The following TK2 variants were observed in gnomAD, a reference collection of about 807,000 sequenced individuals.
TK2 encodes thymidine kinase 2.
TK2 carries 35 observed loss-of-function variants against 41.9 expected under a neutral mutation model. The observed-to-expected ratio is 0.84, with a 90% CI of 0.64 to 1.11. The LOEUF is 1.11. Among genes scored for constraint, TK2 ranks in the 50% least tolerant of loss-of-function variants. The pLI is 0.00. For synonymous variants in TK2, 128 were observed against 129.1 expected (o/e 0.99, Z 0.06); for missense variants, 320 against 351.1 (o/e 0.91, Z 0.71).
chr16:66,517,145 G>C lies in TK2; in HGVS notation c.609C>G (p.Val203=). The C allele has an allele frequency of 6.2e-7, 1 of 1,614,126 alleles. No individual in the cohort carries two copies. The highest frequency in any genetic ancestry group is 8.5e-7 in the Non-Finnish European group (1 of 1,180,000). Residue 203 remains valine (V), a synonymous_variant, in exon 8 of 10, where the codon GTC becomes GTG. Coordinates refer to ENST00000544898, the MANE Select transcript of TK2 (RefSeq NM_004614.5). The surrounding 1 kb of genome is among the most constrained non-coding windows in gnomAD (Gnocchi z 4.3). ...CAAAGAGGCCTCTTACCAGCGGAAT[G>C]ACCTTCTCCTCTTCCCTGCATCTCT... ...LKKRCREEEK[V]IPLEYLEAIH... is the part of the protein sequence containing the mutation.
chr16:66,514,271 C>T lies in TK2; in HGVS notation c.619-460G>A, dbSNP rs922784502. 3.9e-5 allele frequency among the ~76,000 whole-genome samples: 6 copies of T among 152,248 alleles called. No individual in the cohort carries two copies. The highest frequency in any genetic ancestry group is 1.4e-4 in the African/African-American group (6 of 41,472). ...AGTGCCTGGGATTGCAGGCGCGCAC[C>T]GCCATGCCTGACTGGTTTTCGTATT... On this transcript the variant is annotated intron_variant, in intron 8 of 9. Coordinates refer to ENST00000544898, the MANE Select transcript of TK2 (RefSeq NM_004614.5). This position sits in a 1 kb window ranked among gnomAD's most constrained non-coding sequence, Gnocchi z 4.2.
intron 1 of TK2, chr16:66,549,364 C>CCCA: frequency 8.8e-7 from 1 of 1,135,036 alleles, no homozygotes; most frequent in Non-Finnish European, 1.1e-6. Context: ...GGGCGGCGGA[C>CCCA]GTGGTTTTGG....
chr16:66,519,877 G>A (rs373656768), intron 6 of TK2, among the ~76,000 whole-genome samples: 9 of 152,314 alleles, frequency 5.9e-5, no homozygotes, highest in African/African-American at 2.2e-4. Context: ...GAGGGGATGA[G>A]CATGGAAGGA....
chr16:66,522,937 C>T (rs1964824445), intron 6 of TK2, among the ~76,000 whole-genome samples: 1 of 152,192 alleles, frequency 6.6e-6, no homozygotes, highest in South Asian at 2.1e-4. Flanking sequence ...GCAATTAACA[C>T]AGCCCTCTCG....
intron 4 of TK2, among the ~76,000 whole-genome samples, chr16:66,536,049 C>T (rs1965267210): frequency 6.6e-6 from 1 of 151,914 alleles, no homozygotes; most frequent in Non-Finnish European, 1.5e-5. Flanking sequence ...ACTAAAAACA[C>T]AAAAATTAGC....
At chr16:66,526,723 G>A (rs942293745) in intron 6 of TK2, among the ~76,000 whole-genome samples, 1 of 152,164 alleles carries the variant, frequency 6.6e-6, no homozygotes, top group Non-Finnish European at 1.5e-5. Context: ...CTGCACTACA[G>A]TCTGGGTGAC....
At chr16:66,532,622 A>T (rs909746613) in intron 4 of TK2, among the ~76,000 whole-genome samples, 4 of 151,050 alleles carry the variant, frequency 2.6e-5, no homozygotes, top group Non-Finnish European at 5.9e-5. Context: ...AAAATAAATT[A>T]ATTAATTAAT....
At chr16:66,515,814 C>T (rs1336717330) in intron 8 of TK2, among the ~76,000 whole-genome samples, 1 of 152,202 alleles carries the variant, frequency 6.6e-6, no homozygotes, top group Non-Finnish European at 1.5e-5. Flanking sequence ...CCCAGAGTGA[C>T]GCCTGGGCCC....
rs1468445068 is a variant in TK2 at position 66,517,908 on chromosome 16, C to G, written c.450-31G>C. 1 of 1,593,674 alleles carries G rather than the reference C, an allele frequency of 6.3e-7. No individual in the cohort carries two copies. The highest frequency in any genetic ancestry group is 1.3e-5 in the African/African-American group (1 of 74,592). ...ATGAGAGTTGTAAGGGCTTATTCAC[C>G]TAAGAGAAAACTTCTGGGCTATGCA... On this transcript the variant is annotated intron_variant, in intron 6 of 9. Transcript: ENST00000544898. This position sits in a 1 kb window ranked among gnomAD's most constrained non-coding sequence, Gnocchi z 4.3.
rs903654674 is a variant in TK2, at chr16:66,517,957, C to G, written c.450-80G>C. On this transcript the variant is annotated intron_variant, in intron 6 of 9. Coordinates refer to ENST00000544898, the MANE Select transcript of TK2 (RefSeq NM_004614.5). The surrounding 1 kb of genome is among the most constrained non-coding windows in gnomAD (Gnocchi z 4.3). ...CAATTCCCCCAAAAGGATCTTGAGA[C>G]GGCTCTCAATGAAAGGAGTCACCAA... 3.3e-6 allele frequency: 4 copies of G among 1,211,604 alleles called. No individual in the cohort carries two copies. The highest frequency in any genetic ancestry group is 4.9e-6 in the Non-Finnish European group (4 of 814,078). The allele number at this position is 1,211,604 out of a possible 1,614,324, so 75.1% of individuals were successfully genotyped here. A position where few individuals can be genotyped will look rare whatever the true frequency, so the allele number is the denominator to read the frequency against.
intron 2 of TK2, chr16:66,546,629 TC>T (rs1965616414): frequency 6.6e-6 from 1 of 152,084 alleles, no homozygotes; most frequent in South Asian, 2.1e-4. Flanking sequence ...TTTTTTTTTT[TC>T]ATCTTTTACA....
chr16:66,523,077 C>T (rs996867660), intron 6 of TK2, among the ~76,000 whole-genome samples: 3 of 152,136 alleles, frequency 2.0e-5, no homozygotes, highest in East Asian at 1.9e-4. Flanking sequence ...GCAAGAACAC[C>T]CTTCAAGAAA....
At chr16:66,538,663 C>G (rs1965361482) in intron 3 of TK2, among the ~76,000 whole-genome samples, 1 of 152,188 alleles carries the variant, frequency 6.6e-6, no homozygotes, top group Non-Finnish European at 1.5e-5. Context: ...ATCACAGAAG[C>G]CAACATGTTT....
chr16:66,520,995 T>C (rs777099436), intron 6 of TK2, among the ~76,000 whole-genome samples: 3 of 152,146 alleles, frequency 2.0e-5, no homozygotes, highest in Non-Finnish European at 4.4e-5. Context: ...TGGGGCCAGT[T>C]AGCAGCAACT....
chr16:66,542,039 T>C, intron 2 of TK2, 86 bp from the exon 3 acceptor site: 8 of 1,409,446 alleles, frequency 5.7e-6, no homozygotes, highest in Non-Finnish European at 8.0e-6. Flanking sequence ...AGGGCTCATG[T>C]AACCAGCATA....
Position 66,535,297 on chromosome 16 carries a change from T to G in TK2, c.285+1667A>C, listed in dbSNP as rs139223430. Among the ~76,000 whole-genome samples, 34 of 152,334 alleles carry G rather than the reference T, an allele frequency of 2.2e-4. No individual in the cohort carries two copies. The East Asian group carries it at 6.2e-3, about 28-fold the overall frequency. ...GGAAACTCTCATTGAAAAGGCTATC[T>G]GTACCAAGGACACTAAGACTTCTGA... On this transcript the variant is annotated intron_variant, in intron 4 of 9. Coordinates refer to ENST00000544898, the MANE Select transcript of TK2 (RefSeq NM_004614.5).
At chr16:66,548,853 TG>T in intron 2 of TK2, 124 bp downstream of exon 2, 1 of 904,324 alleles carries the variant, frequency 1.1e-6, no homozygotes. Context: ...TCCTTCTCCC[TG>T]GAGATCCTCT....
intron 6 of TK2, among the ~76,000 whole-genome samples, chr16:66,528,372 C>G (rs1964999921): frequency 6.6e-6 from 1 of 152,202 alleles, no homozygotes; most frequent in Non-Finnish European, 1.5e-5. Context: ...ATCACAGAGT[C>G]TGCTCTCATG....
In TK2 at chr16:66,517,691, C is replaced by A. The variant is rs528715356; in HGVS notation, c.538+98G>T. The A allele has an allele frequency of 3.6e-6, 4 of 1,124,104 alleles. No individual in the cohort carries two copies. The highest frequency in any genetic ancestry group is 3.4e-5 in the Admixed American group (2 of 58,912). The allele number at this position is 1,124,104 out of a possible 1,614,324, so 69.6% of individuals were successfully genotyped here. ...GGGAAGGAACTGCCAAGGGCAAGTG[C>A]CTCACCCACTGCCCCCAAGGGTTGG... On this transcript the variant is annotated intron_variant, in intron 7 of 9. Transcript: ENST00000544898. The surrounding 1 kb of genome is among the most constrained non-coding windows in gnomAD (Gnocchi z 4.3).
Sources: allele counts gnomAD v4.1 joint callset (sites outside exome capture counted in the v4.1 genomes callset), GRCh38; gene constraint gnomAD v4.1.1; non-coding constraint Gnocchi (gnomAD v3.1); transcripts MANE v1.5; gene names NCBI Gene and HGNC (gene_info 2026-07-23, HGNC 2026-07-21).